ROR1: variants seen among roughly 807,000 people sequenced by gnomAD.
The protein encoded by ROR1 is ROR family WNT receptor 1, also known as inactive tyrosine-protein kinase transmembrane receptor ROR1.
A neutral mutation model predicts 78.8 loss-of-function variants in ROR1; 19 were observed. That is an observed-to-expected ratio of 0.24 (90% CI 0.17 to 0.35). The LOEUF is 0.35. Among genes scored for constraint, ROR1 ranks in the 10% least tolerant of loss-of-function variants. ROR1 has a pLI of 1.00. For missense variants in ROR1, 917 were observed against 1,177.8 expected (o/e 0.78, Z 3.24); for synonymous variants, 386 against 433.6 (o/e 0.89, Z 1.36).
At chr1:64,014,713 CTATATATATATATACACATACGCACACTA>C (rs1377588901) in intron 2 of ROR1, among the ~76,000 whole-genome samples, 5 of 29,318 alleles carry the variant, frequency 1.7e-4, no homozygotes, top group African/African-American at 3.7e-4. Context: ...TGCTGACAGA[CTATATATATATATACACATACGCACACTA>C]TATATATATA....
At chr1:63,847,841 A>C (rs577818165) in intron 1 of ROR1, among the ~76,000 whole-genome samples, 1 of 152,140 alleles carries the variant, frequency 6.6e-6, no homozygotes, top group Non-Finnish European at 1.5e-5. Context: ...GATAAGTCCC[A>C]TGTGTCTACT....
intron 1 of ROR1, among the ~76,000 whole-genome samples, chr1:63,865,679 C>T (rs1039862796): frequency 6.6e-6 from 1 of 152,080 alleles, no homozygotes. Context: ...AAATGATGCT[C>T]GTGTTATTGA....
chr1:64,130,982 GT>G (rs1322422853), intron 4 of ROR1, among the ~76,000 whole-genome samples: 1 of 152,148 alleles, frequency 6.6e-6, no homozygotes. Flanking sequence ...CGATTCACAA[GT>G]TTTAAAAAGG....
intron 1 of ROR1, among the ~76,000 whole-genome samples, chr1:63,985,401 C>T (rs1389726197): frequency 6.6e-5 from 10 of 152,132 alleles, no homozygotes; most frequent in Admixed American, 4.6e-4. Context: ...TTTCAGGAAC[C>T]TAATCCAAAT....
At chr1:63,917,076 T>C (rs1179999721) in intron 1 of ROR1, among the ~76,000 whole-genome samples, 1 of 152,162 alleles carries the variant, frequency 6.6e-6, no homozygotes, top group African/African-American at 2.4e-5. Flanking sequence ...TTACGGACAC[T>C]GTCCCTGAAC....
chr1:64,132,243 C>T (rs1236127146), intron 4 of ROR1, among the ~76,000 whole-genome samples: 1 of 152,112 alleles, frequency 6.6e-6, no homozygotes, highest in Non-Finnish European at 1.5e-5. Flanking sequence ...ATTCATTTTT[C>T]ATGGCTGAAT....
chr1:64,170,987 A>C (rs1650222655), intron 8 of ROR1, among the ~76,000 whole-genome samples: 1 of 152,212 alleles, frequency 6.6e-6, no homozygotes, highest in African/African-American at 2.4e-5. Context: ...ACAAGTCTCC[A>C]GGGAGTTCCA....
chr1:63,915,613 G>GC (rs1159496105), intron 1 of ROR1, among the ~76,000 whole-genome samples: 2 of 152,066 alleles, frequency 1.3e-5, no homozygotes, highest in African/African-American at 4.8e-5. Context: ...CCCACCCTCT[G>GC]CCCCCTATCC....
At chr1:64,176,782 C>G (rs1338801928) in intron 8 of ROR1, among the ~76,000 whole-genome samples, 1 of 152,218 alleles carries the variant, frequency 6.6e-6, no homozygotes, top group East Asian at 1.9e-4. Context: ...GTGAGTACTT[C>G]AGAAGGACAA....
rs12030067 is a variant in ROR1 at position 64,056,131 on chromosome 1, G to T, written c.482+5415G>T. Among the ~76,000 whole-genome samples, 1,505 of 152,200 alleles carry T rather than the reference G, an allele frequency of 9.9e-3. 76 individuals carry two copies. The East Asian group carries it at 0.16, about 16-fold the overall frequency. On this transcript the variant is annotated intron_variant, in intron 4 of 8. Transcript: ENST00000371079. ...CTTTTTGCTTATTCTGAATAATGCT[G>T]CCATGACCATTCATGTGCATTGTGG...
intron 2 of ROR1, among the ~76,000 whole-genome samples, chr1:64,015,924 G>A (rs1422028054): frequency 2.0e-5 from 3 of 152,070 alleles, no homozygotes; most frequent in Non-Finnish European, 2.9e-5. Flanking sequence ...TACTTGAAAG[G>A]GCTGGTGTAT....
Position 63,876,444 on chromosome 1 carries a change from C to A in ROR1, c.91+101936C>A, listed in dbSNP as rs149107709. Among the ~76,000 whole-genome samples, 30 of 152,228 alleles carry A rather than the reference C, an allele frequency of 2.0e-4. No homozygotes were observed. In the East Asian group the frequency reaches 5.8e-3, roughly 29 times the overall value. ...CTTCTGCCCCCTCTTCCCCCAACCA[C>A]CTCCATCCAACTACCTAAAGTGAAA... On this transcript the variant is annotated intron_variant, in intron 1 of 8. Transcript: ENST00000371079.
intron 1 of ROR1, among the ~76,000 whole-genome samples, chr1:63,847,391 G>A (rs995047927): frequency 1.3e-5 from 2 of 152,092 alleles, no homozygotes; most frequent in Non-Finnish European, 2.9e-5. Flanking sequence ...CCTATGGATT[G>A]GGTAAGGAGA....
chr1:63,787,154 C>T (rs182756198), intron 1 of ROR1, among the ~76,000 whole-genome samples: 1 of 152,154 alleles, frequency 6.6e-6, no homozygotes, highest in African/African-American at 2.4e-5. Flanking sequence ...CTTTTCATTT[C>T]TTCTTGCTGA....
intron 4 of ROR1, among the ~76,000 whole-genome samples, chr1:64,098,585 A>G (rs564552838): frequency 9.3e-4 from 141 of 152,226 alleles, no homozygotes; most frequent in African/African-American, 3.3e-3. Flanking sequence ...CTTTGGTATG[A>G]GTCTGTGTAA....
intron 4 of ROR1, among the ~76,000 whole-genome samples, chr1:64,077,388 A>G (rs553605969): frequency 6.6e-6 from 1 of 152,260 alleles, no homozygotes; most frequent in East Asian, 1.9e-4. Context: ...GGGCTTTCAC[A>G]CCCTCACGTA....
chr1:63,792,343 C>T (rs952992977), intron 1 of ROR1, among the ~76,000 whole-genome samples: 1 of 152,172 alleles, frequency 6.6e-6, no homozygotes, highest in Non-Finnish European at 1.5e-5. Context: ...CGCGACAACC[C>T]TATTCGGTAG....
chr1:63,880,464 T>C (rs995950658), intron 1 of ROR1, among the ~76,000 whole-genome samples: 3 of 152,198 alleles, frequency 2.0e-5, no homozygotes, highest in African/African-American at 7.2e-5. Context: ...CAATGTGTGT[T>C]CCTGCAGTAC....
At chr1:63,789,327 G>A (rs1557497380) in intron 1 of ROR1, 2 of 477,250 alleles carry the variant, frequency 4.2e-6, no homozygotes, top group South Asian at 2.0e-5. Context: ...AGCAGTGAAA[G>A]GTGAGTGATC....
Sources: gnomAD v4.1 joint callset for allele counts (sites outside exome capture counted in the v4.1 genomes callset) on GRCh38, gnomAD v4.1.1 for gene constraint, MANE v1.5 for transcripts, NCBI Gene and HGNC (gene_info 2026-07-23, HGNC 2026-07-21) for gene names.